The following IL21 variants were observed in gnomAD, a reference collection of about 807,000 sequenced individuals.
IL21 encodes the protein interleukin 21.
A neutral mutation model predicts 18.4 loss-of-function variants in IL21; 3 were observed. The observed-to-expected ratio is 0.16, with a 90% CI of 0.07 to 0.42. The LOEUF (loss-of-function observed/expected upper bound fraction) is 0.42. IL21 is among the 10% of genes least tolerant of loss of function. IL21 has a pLI of 0.99. For synonymous variants in IL21, 37 were observed against 62.0 expected, an observed-to-expected ratio of 0.60 and a Z score of 1.90; for missense variants, 130 against 188.4, an observed-to-expected ratio of 0.69 and a Z score of 1.81.
chr4:122,615,216 A>G (rs1799318556), intron 3 of IL21, among the ~76,000 whole-genome samples: 1 of 152,136 alleles, frequency 6.6e-6, no homozygotes, highest in Non-Finnish European at 1.5e-5. Context: ...GAGTGACCCT[A>G]CTTCTTAAAA....
chr4:122,613,199 G>A (rs925494128), intron 3 of IL21, among the ~76,000 whole-genome samples: 19 of 150,404 alleles, frequency 1.3e-4, no homozygotes, highest in Non-Finnish European at 2.5e-4. Context: ...ATACCAGTTG[G>A]TGATTTGCTT....
intron 3 of IL21, among the ~76,000 whole-genome samples, chr4:122,613,130 A>G (rs2150684981): frequency 6.6e-6 from 1 of 152,162 alleles, no homozygotes; most frequent in Non-Finnish European, 1.5e-5. Flanking sequence ...CAATGTTTTA[A>G]TGTATATTCT....
In IL21 at chr4:122,615,776, G is replaced by C; in HGVS notation, c.266C>G (p.Thr89Arg). 7 of 1,613,436 alleles carry C rather than the reference G, an allele frequency of 4.3e-6. No homozygotes were observed. The highest frequency in any genetic ancestry group is 5.9e-6 in the Non-Finnish European group (7 of 1,179,546). The change falls in exon 3 of 5, where the codon ACA becomes AGA. Residue 89 changes from threonine to arginine, a missense_variant. Thr to Arg is a moderately conservative substitution (Grantham distance 71, BLOSUM62 -1). Transcript: ENST00000648588. ...FQKAQLKSAN[T>R]GNNERIINVS... ...ATTGATTATCCTTTCATTGTTTCCT[G>C]TATTTGCTGACTTTAGTTGGGCCTT...
Position 122,612,945 on chromosome 4 carries a change from A to G in IL21, c.361-17T>C. The G allele has an allele frequency of 6.8e-7, 1 of 1,479,616 alleles. No homozygotes were observed. Among genetic ancestry groups the G allele is most frequent in the South Asian group, 1.2e-5 (1 of 81,000 alleles). 91.7% of individuals were successfully genotyped at this position (1,479,616 alleles called of 1,614,324 possible). A position where few individuals can be genotyped will look rare whatever the true frequency, so the allele number is the denominator to read the frequency against. ...AGGGCATGTCTAGAAATCAATGAAA[A>G]AGTAACAGTCTTCTTTAAAATTTTT... On this transcript the variant is annotated splice_polypyrimidine_tract_variant and intron_variant, in intron 3 of 4. Transcript: ENST00000648588.
intron 3 of IL21, among the ~76,000 whole-genome samples, chr4:122,615,432 G>A (rs1043813377): frequency 1.3e-5 from 2 of 152,088 alleles, no homozygotes. Context: ...GGCTGAGGTA[G>A]GAGGAGAATG....
rs1430380302 is a variant in IL21 at position 122,612,917 on chromosome 4, T to C, written c.372A>G (p.Ser124=). Residue 124 remains serine, a synonymous_variant, in exon 4 of 5, where the codon TCA becomes TCG. Coordinates refer to ENST00000648588, the MANE Select transcript of IL21 (RefSeq NM_021803.4). The part of the protein sequence containing the change: ...RRQKHRLTCP[S]CDSYEKKPPK... ...GTGGTTTTTTCTCATAAGAATCACA[T>C]GAAGGGCATGTCTAGAAATCAATGA... 1 of 1,599,630 alleles carries C rather than the reference T, an allele frequency of 6.3e-7. No individual in the cohort carries two copies. The highest frequency in any genetic ancestry group is 8.6e-7 in the Non-Finnish European group (1 of 1,168,954).
At position 122,615,790 on chromosome 4, in the gene IL21, T is replaced by C. The variant is rs1323557868; in HGVS notation, c.252A>G (p.Leu84=). ...SAFSCFQKAQ[L]KSANTGNNER... ...CATTGTTTCCTGTATTTGCTGACTT[T>C]AGTTGGGCCTTCTGAAAGCAGGAAA... is the stretch of plus-strand genomic sequence containing the variant. The change falls in exon 3 of 5, where the codon CTA becomes CTG. Residue 84 remains leucine, a synonymous_variant. Coordinates refer to ENST00000648588, the MANE Select transcript of IL21 (RefSeq NM_021803.4). The C allele has an allele frequency of 1.2e-6, 2 of 1,613,476 alleles. No homozygotes were observed. The highest frequency in any genetic ancestry group is 1.7e-6 in the Non-Finnish European group (2 of 1,179,692).
At position 122,612,693 on chromosome 4, in the gene IL21, A is replaced by G; in HGVS notation, c.*17T>C. On this transcript the variant is annotated 3_prime_UTR_variant, in exon 5 of 5. Transcript: ENST00000648588. ...TATTAGAGTATGTAACATAGTGTCC[A>G]ACTGCAAGTTAGATCCTCAGGAATC... 1.9e-6 allele frequency: 3 copies of G among 1,554,344 alleles called. No homozygotes were observed. The highest frequency in any genetic ancestry group is 2.7e-6 in the Non-Finnish European group (3 of 1,126,172).
At chr4:122,615,194 G>C (rs1012023723) in intron 3 of IL21, among the ~76,000 whole-genome samples, 2 of 152,156 alleles carry the variant, frequency 1.3e-5, no homozygotes, top group African/African-American at 2.4e-5. Context: ...TTTCAAGTCT[G>C]TGGGCTTAAA....
intron 1 of IL21, 27 bp from the exon 2 acceptor site, chr4:122,620,763 G>C: frequency 6.2e-7 from 1 of 1,613,190 alleles, no homozygotes; most frequent in Non-Finnish European, 8.5e-7. Flanking sequence ...TTTGTTCTGA[G>C]TTATTTTTAT....
In IL21 at chr4:122,611,098, C is replaced by T. The variant is rs969520385; in HGVS notation, c.*1612G>A. On this transcript the variant is annotated 3_prime_UTR_variant, in exon 5 of 5. Coordinates refer to ENST00000648588, the MANE Select transcript of IL21 (RefSeq NM_021803.4). ...GCTATACATTCAGAAACAAGAAATA[C>T]AGATTCCATCTTTCTCACTATCTTT... is the stretch of plus-strand genomic sequence containing the variant. Among the ~76,000 whole-genome samples, 1 of 152,124 alleles carries T rather than the reference C, an allele frequency of 6.6e-6. No individual in the cohort carries two copies. Among genetic ancestry groups the T allele is most frequent in the Non-Finnish European group, 1.5e-5 (1 of 67,996 alleles).
intron 3 of IL21, among the ~76,000 whole-genome samples, 161 bp downstream of exon 3, chr4:122,615,521 C>A: frequency 1.3e-5 from 1 of 78,174 alleles, no homozygotes; most frequent in African/African-American, 7.3e-5. Context: ...GAGTGAGACT[C>A]TGTCTTAAAA....
chr4:122,620,652 A>G (rs754747412), intron 2 of IL21, 49 bp downstream of exon 2: 1 of 1,525,550 alleles, frequency 6.6e-7, no homozygotes, highest in Non-Finnish European at 9.0e-7. Flanking sequence ...TATTGGATTT[A>G]AAAACTTATG....
intron 2 of IL21, among the ~76,000 whole-genome samples, chr4:122,617,223 C>T (rs1009084950): frequency 6.6e-6 from 1 of 152,148 alleles, no homozygotes; most frequent in East Asian, 1.9e-4. Context: ...TGCCAAAATG[C>T]TTATTTAATA....
intron 2 of IL21, among the ~76,000 whole-genome samples, chr4:122,616,436 A>C (rs1029574492): frequency 6.6e-6 from 1 of 152,206 alleles, no homozygotes; most frequent in Non-Finnish European, 1.5e-5. Context: ...CTCTGATAGC[A>C]TATTTTACAT....
chr4:122,611,631 G>A lies in IL21; in HGVS notation c.*1079C>T, dbSNP rs1050247461. Among the ~76,000 whole-genome samples, 1 of 152,168 alleles carries A rather than the reference G, an allele frequency of 6.6e-6. No homozygotes were observed. Among genetic ancestry groups the A allele is most frequent in the Non-Finnish European group, 1.5e-5 (1 of 68,008 alleles). On this transcript the variant is annotated 3_prime_UTR_variant, in exon 5 of 5. Coordinates refer to ENST00000648588, the MANE Select transcript of IL21 (RefSeq NM_021803.4). ...AAGTCTGAAAGATTGGAATGCTTATGCGAAAGTCTGTTTTCAACTTGGACA... is the reference window on the plus strand; with the variant it reads ...AAGTCTGAAAGATTGGAATGCTTATACGAAAGTCTGTTTTCAACTTGGACA...
In IL21 at chr4:122,621,058, T is replaced by C; in HGVS notation, c.-47A>G. ...ACCTTGGTCTCGTTTTCACTTCAGC[T>C]TGACTGAGAACAGGTTGTCAGTTAA... On this transcript the variant is annotated 5_prime_UTR_variant, in exon 1 of 5. Transcript: ENST00000648588. 1 of 1,570,350 alleles carries C rather than the reference T, an allele frequency of 6.4e-7. No individual in the cohort carries two copies. The highest frequency in any genetic ancestry group is 2.2e-5 in the East Asian group (1 of 44,498).
At position 122,611,805 on chromosome 4, in the gene IL21, G is replaced by A. The variant is rs1386228832; in HGVS notation, c.*905C>T. 6.6e-6 allele frequency among the ~76,000 whole-genome samples: 1 copy of A among 152,002 alleles called. No individual in the cohort carries two copies. On this transcript the variant is annotated 3_prime_UTR_variant, in exon 5 of 5. Transcript: ENST00000648588. ...AGCAGAAGTTTCATTTTAAAAAGAA[G>A]GAAGAAAAGAAACGAAAGAAGAAAG...
rs770911463 is a variant in IL21 at position 122,620,818 on chromosome 4, T to C, written c.168+26A>G. On this transcript the variant is annotated intron_variant, in intron 1 of 4. Transcript: ENST00000648588. ...TATTAATTGAAAAGTATGATTTAGATTTTGTTGTGACAAATATAGTCTTAC... is the reference window on the plus strand; with the variant it reads ...TATTAATTGAAAAGTATGATTTAGACTTTGTTGTGACAAATATAGTCTTAC... The C allele has an allele frequency of 3.1e-6, 5 of 1,612,962 alleles. No homozygotes were observed. In the Admixed American group the frequency reaches 6.7e-5, roughly 22 times the overall value.
Sources: gnomAD v4.1 joint callset for allele counts (sites outside exome capture counted in the v4.1 genomes callset) on GRCh38, gnomAD v4.1.1 for gene constraint, MANE v1.5 for transcripts, NCBI Gene and HGNC (gene_info 2026-07-23, HGNC 2026-07-21) for gene names.